The following FBRSL1 variants were observed in gnomAD, a reference collection of about 807,000 sequenced individuals.
FBRSL1 encodes fibrosin-1-like protein.
Under a neutral mutation model 89.6 loss-of-function variants are expected in FBRSL1, and 51 were observed. The ratio of observed to expected loss-of-function variants is 0.57; its 90% CI spans 0.45 to 0.72. The LOEUF is 0.72. Ranked by LOEUF, FBRSL1 falls within the 30% of genes least tolerant of loss-of-function variation. The pLI, the probability that FBRSL1 is intolerant of heterozygous loss-of-function variation, is 0.00. For missense variants in FBRSL1, 1,618 were observed against 1,451.8 expected, an observed-to-expected ratio of 1.11 and a Z score of -1.86; for synonymous variants, 779 against 681.1, an observed-to-expected ratio of 1.14 and a Z score of -2.24.
chr12:132,548,723 C>A (rs1315131723), intron 5 of FBRSL1, among the ~76,000 whole-genome samples: 1 of 152,190 alleles, frequency 6.6e-6, no homozygotes, highest in East Asian at 1.9e-4. Context: ...GAGGTCCCGG[C>A]CCGTAACCAC....
intron 4 of FBRSL1, among the ~76,000 whole-genome samples, chr12:132,545,524 C>T (rs757617534): frequency 1.3e-5 from 2 of 152,270 alleles, no homozygotes; most frequent in Admixed American, 6.5e-5. Context: ...AAGCACCCCT[C>T]AGTGTCTCCT....
intron 14 of FBRSL1, among the ~76,000 whole-genome samples, chr12:132,576,555 C>T (rs541106266): frequency 5.3e-5 from 8 of 152,308 alleles, no homozygotes; most frequent in African/African-American, 1.9e-4. Context: ...GCGTAGCATC[C>T]CAGCTGCCAT....
At chr12:132,530,724 G>T (rs1383802528) in intron 4 of FBRSL1, among the ~76,000 whole-genome samples, 1 of 115,942 alleles carries the variant, frequency 8.6e-6, no homozygotes, top group Admixed American at 8.7e-5. Flanking sequence ...GGGGGGTGGG[G>T]CTGGGGGGTG....
chr12:132,501,040 G>A (rs577594149), intron 1 of FBRSL1, among the ~76,000 whole-genome samples: 1 of 152,236 alleles, frequency 6.6e-6, no homozygotes, highest in East Asian at 1.9e-4. Context: ...GGGCGGGGAA[G>A]GAGCCCAAGG....
At chr12:132,564,703 GCCAGGA>G in intron 5 of FBRSL1, among the ~76,000 whole-genome samples, 1 of 88,768 alleles carries the variant, frequency 1.1e-5, no homozygotes, top group Non-Finnish European at 2.0e-5. Flanking sequence ...CACCGTGTTA[GCCAGGA>G]TGGTCTCGAT....
Position 132,552,029 on chromosome 12 carries a change from T to C in FBRSL1, c.645+3997T>C, listed in dbSNP as rs1418174451. ...AGCACCGGCCTGGAAGGGGCAGGGC[T>C]GGGGGACAGTGGCATGAGGTCAGAC... is the stretch of plus-strand genomic sequence containing the variant. On this transcript the variant is annotated intron_variant, in intron 5 of 18. Transcript: ENST00000680143. 1.2e-5 allele frequency: 3 copies of C among 243,020 alleles called. No individual in the cohort carries two copies. In the East Asian group the frequency reaches 2.8e-4, roughly 23 times the overall value. The allele number at this position is 243,020 out of a possible 1,614,324, so 15.1% of individuals were successfully genotyped here.
Position 132,581,530 on chromosome 12 carries a change from A to C in FBRSL1, c.1912+14A>C. On this transcript the variant is annotated intron_variant, in intron 16 of 18. Transcript: ENST00000680143. ...GCCCCCTGACAGGTGGGTGTCTCTGAATTCAGCCCACGCAGCCTGGCTGGT... is the reference window on the plus strand; with the variant it reads ...GCCCCCTGACAGGTGGGTGTCTCTGCATTCAGCCCACGCAGCCTGGCTGGT... The C allele has an allele frequency of 6.4e-7, 1 of 1,550,528 alleles. No homozygotes were observed. Among genetic ancestry groups the C allele is most frequent in the Non-Finnish European group, 8.7e-7 (1 of 1,146,626 alleles).
At chr12:132,568,341 C>T (rs973723887) in intron 6 of FBRSL1, among the ~76,000 whole-genome samples, 17 of 152,258 alleles carry the variant, frequency 1.1e-4, no homozygotes, top group African/African-American at 3.9e-4. Context: ...AGGATGGGCC[C>T]TACTGCCCTT....
Position 132,583,582 on chromosome 12 carries a change from T to G in FBRSL1, c.2813T>G (p.Leu938Arg). ...TTCCCGCGCCTCTCGCCCGCCGCGCTGCACAATGGGCTCCTGGCGCGGACC... is the reference window on the plus strand; with the variant it reads ...TTCCCGCGCCTCTCGCCCGCCGCGCGGCACAATGGGCTCCTGGCGCGGACC... ...LHFPRLSPAA[L>R]HNGLLARTPP... The change falls in exon 19 of 19, where the codon CTG becomes CGG. Residue 938 changes from leucine (L) to arginine (R), a missense_variant. Leu to Arg is a moderately radical substitution (Grantham distance 102). Coordinates refer to ENST00000680143, the MANE Select transcript of FBRSL1 (RefSeq NM_001367871.1). 1 of 1,002,484 alleles carries G rather than the reference T, an allele frequency of 1.0e-6. No individual in the cohort carries two copies. The highest frequency in any genetic ancestry group is 1.2e-6 in the Non-Finnish European group (1 of 841,964). The allele number at this position is 1,002,484 out of a possible 1,614,324, so 62.1% of individuals were successfully genotyped here.
intron 2 of FBRSL1, among the ~76,000 whole-genome samples, chr12:132,519,203 C>T (rs999824395): frequency 6.6e-6 from 1 of 152,264 alleles, no homozygotes; most frequent in South Asian, 2.1e-4. Context: ...CCACTGGATG[C>T]TTACAGTCTA....
Position 132,582,064 on chromosome 12 carries a change from C to T in FBRSL1, c.1999C>T (p.Pro667Ser), listed in dbSNP as rs3751303. The T allele has an allele frequency of 0.013, 20,270 of 1,545,222 alleles. 520 individuals carry two copies. In the East Asian group the frequency reaches 0.14, roughly 11 times the overall value. ...TGCTCCCCGGCCTCTGCCCCCAGCT[C>T]CCGGTGGCAGCATCTTTGCCCCCAA... ...FGGLGSHALA[P>S]GGSIFAPKEG... The change falls in exon 18 of 19, where the codon CCC (proline) becomes TCC (serine). Residue 667 changes from proline (P) to serine (S), a missense_variant and splice_region_variant. Physicochemically the swap from Pro to Ser is moderately conservative, Grantham distance 74. Transcript: ENST00000680143.
chr12:132,511,861 G>A (rs1226629010), intron 2 of FBRSL1: 12 of 510,728 alleles, frequency 2.3e-5, no homozygotes, highest in Admixed American at 2.0e-4. Flanking sequence ...CCCTTCCTCC[G>A]GTGCTCACCT....
intron 12 of FBRSL1, 77 bp from the exon 13 acceptor site, chr12:132,574,242 C>T (rs993770032): frequency 2.8e-5 from 40 of 1,448,774 alleles, no homozygotes; most frequent in African/African-American, 8.6e-5. Flanking sequence ...CCACAGCAGA[C>T]GGGCTGTGTC....
intron 4 of FBRSL1, among the ~76,000 whole-genome samples, chr12:132,538,262 C>G (rs1283211704): frequency 6.6e-6 from 1 of 152,246 alleles, no homozygotes; most frequent in African/African-American, 2.4e-5. Flanking sequence ...ACGCAGGGCT[C>G]TCCAGGCCTG....
intron 5 of FBRSL1, chr12:132,552,032 G>A (rs1192662892): frequency 4.1e-6 from 1 of 244,736 alleles, no homozygotes; most frequent in East Asian, 9.4e-5. Flanking sequence ...GCAGGGCTGG[G>A]GGACAGTGGC....
intron 4 of FBRSL1, among the ~76,000 whole-genome samples, chr12:132,533,921 T>C (rs1376980659): frequency 6.6e-6 from 1 of 152,028 alleles, no homozygotes; most frequent in Admixed American, 6.5e-5. Flanking sequence ...GGCCAGGGTG[T>C]CTGAGTAGGG....
At chr12:132,515,683 T>C (rs576213700) in intron 2 of FBRSL1, among the ~76,000 whole-genome samples, 2 of 152,116 alleles carry the variant, frequency 1.3e-5, no homozygotes, top group African/African-American at 2.4e-5. Flanking sequence ...GTGGATCACT[T>C]GAGGTCAGGA....
chr12:132,522,893 G>C (rs1369563416), intron 2 of FBRSL1, among the ~76,000 whole-genome samples: 1 of 152,172 alleles, frequency 6.6e-6, no homozygotes, highest in East Asian at 1.9e-4. Context: ...GCCACCTTCT[G>C]TGTGCACTGG....
Position 132,511,595 on chromosome 12 carries a change from C to T in FBRSL1, c.489+3245C>T, listed in dbSNP as rs141657880. ...TAACCAGTGGTCCTCCAGAGAGCAGCGTTGACCACCTGGACCCCTGCGCCA... is the reference window on the plus strand; with the variant it reads ...TAACCAGTGGTCCTCCAGAGAGCAGTGTTGACCACCTGGACCCCTGCGCCA... On this transcript the variant is annotated intron_variant, in intron 2 of 18. Coordinates refer to ENST00000680143, the MANE Select transcript of FBRSL1 (RefSeq NM_001367871.1). 1.8e-5 allele frequency: 18 copies of T among 985,626 alleles called. No individual in the cohort carries two copies. In the East Asian group the frequency reaches 7.9e-4, roughly 44 times the overall value. 61.1% of individuals were successfully genotyped at this position (985,626 alleles called of 1,614,324 possible). A position where few individuals can be genotyped will look rare whatever the true frequency, so the allele number is the denominator to read the frequency against.
Sources: gnomAD v4.1 joint callset for allele counts (sites outside exome capture counted in the v4.1 genomes callset) on GRCh38, gnomAD v4.1.1 for gene constraint, MANE v1.5 for transcripts, NCBI Gene and HGNC (gene_info 2026-07-23, HGNC 2026-07-21) for gene names.